The following GNLY variants were observed in gnomAD, a reference collection of about 807,000 sequenced individuals.
GNLY encodes T-cell activation protein 519.
GNLY carries 15 observed loss-of-function variants against 18.5 expected under a neutral mutation model. The ratio of observed to expected loss-of-function variants is 0.81; its 90% CI spans 0.54 to 1.25. GNLY has a LOEUF of 1.25. Ranked by LOEUF, GNLY falls within the 50% of genes most tolerant of loss-of-function variation. The pLI is 0.00. For synonymous variants in GNLY, 77 were observed against 74.9 expected (o/e 1.03, Z -0.14); for missense variants, 178 against 186.9 (o/e 0.95, Z 0.28).
Position 85,696,011 on chromosome 2 carries a change from G to GAA in GNLY, c.211_212insAA (p.Thr71LysfsTer3). On this transcript the variant is annotated frameshift_variant, in exon 3 of 5. Transcript: ENST00000263863. LOFTEE classifies it high-confidence loss of function. ...TGGGCCGTGACTACAGGACCTGTCT[G>GAA]ACGATAGTCCAAAAACTGAAGAAGA... is the stretch of plus-strand genomic sequence containing the variant. The GAA allele has an allele frequency of 6.2e-7, 1 of 1,612,524 alleles. No individual in the cohort carries two copies. The highest frequency in any genetic ancestry group is 1.1e-5 in the South Asian group (1 of 90,982).
chr2:85,694,663 C>A, intron 1 of GNLY, 193 bp downstream of exon 1: 1 of 1,199,510 alleles, frequency 8.3e-7, no homozygotes, highest in Non-Finnish European at 1.1e-6. Context: ...CTGTCACTGG[C>A]CTGGCCAAGG....
At chr2:85,694,630 C>A in intron 1 of GNLY, 160 bp downstream of exon 1, 2 of 1,061,258 alleles carry the variant, frequency 1.9e-6, no homozygotes, top group Non-Finnish European at 2.7e-6. Context: ...CAGAGCCAGG[C>A]TTAGTCCAGT....
chr2:85,698,669 C>T lies in GNLY; in HGVS notation c.*95C>T. The T allele has an allele frequency of 6.2e-7, 1 of 1,609,124 alleles. No homozygotes were observed. The highest frequency in any genetic ancestry group is 8.5e-7 in the Non-Finnish European group (1 of 1,179,036). On this transcript the variant is annotated 3_prime_UTR_variant, in exon 5 of 5. Transcript: ENST00000263863. ...CTGCCGGCTCCTCGCTTCCTCGATCCAGAATCCACTCTCCAGTCTCCCTCC... is the reference window on the plus strand; with the variant it reads ...CTGCCGGCTCCTCGCTTCCTCGATCTAGAATCCACTCTCCAGTCTCCCTCC...
chr2:85,694,578 C>A (rs1678359778), intron 1 of GNLY, 108 bp downstream of exon 1: 2 of 1,162,458 alleles, frequency 1.7e-6, no homozygotes, highest in Non-Finnish European at 2.5e-6. Context: ...GCCCCTGCCT[C>A]CCCCCGGCCT....
Position 85,695,354 on chromosome 2 carries a change from C to T in GNLY, c.87C>T (p.Tyr29=), listed in dbSNP as rs201139886. Residue 29 remains tyrosine (Y), a synonymous_variant, in exon 2 of 5, where the codon TAC becomes TAT. Transcript: ENST00000263863. ...TCTCTCGTCTGAGCCCTGAGTACTA[C>T]GACCTGGCAAGAGCCCACCTGCGTG... ...LVFSRLSPEY[Y]DLARAHLRDE... is the part of the protein sequence containing the mutation. The T allele has an allele frequency of 2.5e-4, 410 of 1,613,546 alleles. 7 individuals are homozygous for T. In the South Asian group the frequency reaches 4.1e-3, roughly 16 times the overall value.
chr2:85,695,825 T>C (rs1011559533), intron 2 of GNLY, 133 bp from the exon 3 acceptor site: 3 of 638,634 alleles, frequency 4.7e-6, no homozygotes, highest in Non-Finnish European at 8.4e-6. Context: ...AGGCCTTCAG[T>C]GTATCCACGC....
rs111926772 is a variant in GNLY at position 85,695,264 on chromosome 2, G to A, written c.53-56G>A. 1.4e-5 allele frequency: 18 copies of A among 1,275,714 alleles called. No individual in the cohort carries two copies. In the African/African-American group the frequency reaches 1.6e-4, roughly 11 times the overall value. 79.0% of individuals were successfully genotyped at this position (1,275,714 alleles called of 1,614,324 possible). ...CTGGACTCCCACCAGCCAGGAGAAC[G>A]GGCTTTCCCTCTCCTTCCGCCTGCG... On this transcript the variant is annotated intron_variant, in intron 1 of 4. Transcript: ENST00000263863.
At position 85,698,762 on chromosome 2, in the gene GNLY, G is replaced by T. The variant is rs955024252; in HGVS notation, c.*188G>T. ...GTCAAGCAAGATTTTAGCCGCAGCTGCTTCTTCTTTGGTGGATTTGAGGGG... is the reference window on the plus strand; with the variant it reads ...GTCAAGCAAGATTTTAGCCGCAGCTTCTTCTTCTTTGGTGGATTTGAGGGG... On this transcript the variant is annotated 3_prime_UTR_variant, in exon 5 of 5. Transcript: ENST00000263863. The T allele has an allele frequency of 3.1e-5, 47 of 1,518,312 alleles. No individual in the cohort carries two copies. Among genetic ancestry groups the T allele is most frequent in the Non-Finnish European group, 3.8e-5 (43 of 1,135,072 alleles). 94.1% of individuals were successfully genotyped at this position (1,518,312 alleles called of 1,614,324 possible). A position where few individuals can be genotyped will look rare whatever the true frequency, so the allele number is the denominator to read the frequency against.
chr2:85,698,337 C>T (rs1678539849), intron 4 of GNLY: 2 of 727,496 alleles, frequency 2.7e-6, no homozygotes, highest in Non-Finnish European at 4.9e-6. Flanking sequence ...GGATTTTATG[C>T]TGGCAGATCG....
chr2:85,694,697 G>T (rs1237443030), intron 1 of GNLY: 2 of 1,387,624 alleles, frequency 1.4e-6, no homozygotes, highest in Non-Finnish European at 1.9e-6. Flanking sequence ...CAGGGATTCT[G>T]GTCCTAACTC....
Position 85,697,486 on chromosome 2 carries a change from C to T in GNLY, c.256-20C>T, listed in dbSNP as rs1315686215. ...AGGACTCACCCTATAACCATGTCCACTGTGGTGCTGCTGCTGCAGAGAAGT... is the reference window on the plus strand; with the variant it reads ...AGGACTCACCCTATAACCATGTCCATTGTGGTGCTGCTGCTGCAGAGAAGT... On this transcript the variant is annotated intron_variant, in intron 3 of 4. Coordinates refer to ENST00000263863, the MANE Select transcript of GNLY (RefSeq NM_006433.5). 1 of 1,609,958 alleles carries T rather than the reference C, an allele frequency of 6.2e-7. No homozygotes were observed. Among genetic ancestry groups the T allele is most frequent in the Admixed American group, 1.7e-5 (1 of 60,020 alleles).
At chr2:85,694,519 A>C (rs759102651) in intron 1 of GNLY, 49 bp downstream of exon 1, 1 of 1,570,922 alleles carries the variant, frequency 6.4e-7, no homozygotes. Flanking sequence ...CCAGCCTCGC[A>C]CTCTCAGGCT....
intron 4 of GNLY, among the ~76,000 whole-genome samples, 195 bp downstream of exon 4, chr2:85,697,872 G>A (rs945720239): frequency 6.6e-6 from 1 of 152,260 alleles, no homozygotes; most frequent in South Asian, 2.1e-4. Context: ...TGGTCGTGGA[G>A]TAAAATCTGG....
At chr2:85,695,185 A>G in intron 1 of GNLY, 135 bp from the exon 2 acceptor site, 1 of 810,148 alleles carries the variant, frequency 1.2e-6, no homozygotes, top group Non-Finnish European at 2.0e-6. Context: ...GCATGTGGAC[A>G]GGTATCCTGG....
In GNLY at chr2:85,694,610, G is replaced by GA. The variant is rs1377564385; in HGVS notation, c.52+140_52+141insA. On this transcript the variant is annotated intron_variant, in intron 1 of 4. Transcript: ENST00000263863. Reference sequence around the variant, plus strand: ...GCCTTCTCCCCCGTCATGGAGGCCTGGCCTCCCCTCAGAGCCAGGCTTAGT... The same window carrying GA: ...GCCTTCTCCCCCGTCATGGAGGCCTGAGCCTCCCCTCAGAGCCAGGCTTAGT... 19 of 921,532 alleles carry GA rather than the reference G, an allele frequency of 2.1e-5. No homozygotes were observed. In the East Asian group the frequency reaches 2.4e-4, roughly 11 times the overall value. The allele number at this position is 921,532 out of a possible 1,614,324, so 57.1% of individuals were successfully genotyped here. A position where few individuals can be genotyped will look rare whatever the true frequency, so the allele number is the denominator to read the frequency against.
chr2:85,697,423 C>T, intron 3 of GNLY, 83 bp from the exon 4 acceptor site: 1 of 1,243,578 alleles, frequency 8.0e-7, no homozygotes, highest in Non-Finnish European at 1.2e-6. Context: ...ACTCCCATTG[C>T]TAGGGCTGCT....
chr2:85,697,279 G>A, intron 3 of GNLY: 1 of 541,540 alleles, frequency 1.8e-6, no homozygotes, highest in Non-Finnish European at 3.3e-6. Flanking sequence ...CCCCAGCAGG[G>A]CTAACTGTCC....
At chr2:85,695,124 G>A (rs567562667) in intron 1 of GNLY, 196 bp from the exon 2 acceptor site, 17 of 958,492 alleles carry the variant, frequency 1.8e-5, no homozygotes, top group Middle Eastern at 4.5e-4. Flanking sequence ...TAGAAGGAAC[G>A]TGAGAACACG....
intron 2 of GNLY, 129 bp downstream of exon 2, chr2:85,695,552 G>C (rs757151181): frequency 3.0e-6 from 2 of 658,502 alleles, no homozygotes; most frequent in East Asian, 5.4e-5. Flanking sequence ...TGTTTCTGAC[G>C]ATGCTGGTTT....
Sources: gnomAD v4.1 joint callset for allele counts (sites outside exome capture counted in the v4.1 genomes callset) on GRCh38, gnomAD v4.1.1 for gene constraint, MANE v1.5 for transcripts, NCBI Gene and HGNC (gene_info 2026-07-23, HGNC 2026-07-21) for gene names.